Variants in ZFR2 observed in about 807,000 individuals in gnomAD.
ZFR2 encodes zinc finger RNA binding protein 2.
A neutral mutation model predicts 105.7 loss-of-function variants in ZFR2; 104 were observed. The observed-to-expected ratio is 0.98, with a 90% CI of 0.84 to 1.16. ZFR2 has a LOEUF of 1.16. Ranked by LOEUF, ZFR2 falls within the 50% of genes most tolerant of loss-of-function variation. The pLI is 0.00. For synonymous variants in ZFR2, 634 were observed against 597.7 expected (o/e 1.06, Z -0.89); for missense variants, 1,425 against 1,355.5 (o/e 1.05, Z -0.80).
At chr19:3,832,022 C>T (rs2038022592) in intron 3 of ZFR2, 144 bp from the exon 4 acceptor site, 1 of 598,708 alleles carries the variant, frequency 1.7e-6, no homozygotes, top group Non-Finnish European at 2.6e-6. Flanking sequence ...CAGGTGCTGG[C>T]AGCGACTCGC....
intron 1 of ZFR2, among the ~76,000 whole-genome samples, chr19:3,835,616 AG>A (rs2038071106): frequency 6.7e-6 from 1 of 150,026 alleles, no homozygotes; most frequent in Non-Finnish European, 1.5e-5. Flanking sequence ...TACAGGTGTG[AG>A]CCACCACGCC....
In ZFR2 at chr19:3,834,542, G is replaced by A. The variant is rs898250473; in HGVS notation, c.264+231C>T. ...GCGCCGTCACTGTCCCCACTGCCCC[G>A]ACGTGGAGGTACGCATGCGGCCTGT... On this transcript the variant is annotated intron_variant, in intron 2 of 18. Coordinates refer to ENST00000262961, the MANE Select transcript of ZFR2 (RefSeq NM_015174.2). The surrounding 1 kb of genome is among the most constrained non-coding windows in gnomAD (Gnocchi z 5.3). Among the ~76,000 whole-genome samples the A allele has an allele frequency of 3.3e-5, 5 of 152,158 alleles. No individual in the cohort carries two copies. The highest frequency in any genetic ancestry group is 5.9e-5 in the Non-Finnish European group (4 of 68,018).
chr19:3,808,215 CCGTGCGAGTG>C (rs1160695774), intron 17 of ZFR2, among the ~76,000 whole-genome samples: 20 of 141,356 alleles, frequency 1.4e-4, no homozygotes, highest in African/African-American at 5.3e-4. Context: ...GCGTGTGTGC[CCGTGCGAGTG>C]CGTGCGTGTG....
chr19:3,825,492 G>A (rs753179639), intron 6 of ZFR2, 85 bp from the exon 7 acceptor site: 761 of 1,486,226 alleles, frequency 5.1e-4, no homozygotes, highest in Admixed American at 1.1e-3. Flanking sequence ...GCCTCCACGG[G>A]CGTGCAGCGC....
chr19:3,825,419 A>G lies in ZFR2; in HGVS notation c.1036-12T>C, dbSNP rs1397953481. ...TGCAGCTTGAAGACCTGCAACAGAC[A>G]GAGCCGGGCTCCCGCGTGAGGGCCG... On this transcript the variant is annotated splice_polypyrimidine_tract_variant and intron_variant, in intron 6 of 18. Transcript: ENST00000262961. 1.3e-6 allele frequency: 2 copies of G among 1,561,198 alleles called. No individual in the cohort carries two copies. The highest frequency in any genetic ancestry group is 1.7e-6 in the Non-Finnish European group (2 of 1,156,680).
In ZFR2 at chr19:3,807,279, G is replaced by A. The variant is rs148313694; in HGVS notation, c.2546-10C>T. The A allele has an allele frequency of 2.8e-4, 431 of 1,547,616 alleles. No homozygotes were observed. The East Asian group carries it at 8.2e-3, about 29-fold the overall frequency. On this transcript the variant is annotated splice_polypyrimidine_tract_variant and intron_variant, in intron 17 of 18. Transcript: ENST00000262961. ...TGGAGCCCGGGCCCGTCTTTGTGAC[G>A]GGGAGTGGGAACAGCAAAGAAGGCG...
rs539266130 is a variant in ZFR2 at position 3,827,675 on chromosome 19, A to C, written c.853-22T>G. 12 of 1,564,998 alleles carry C rather than the reference A, an allele frequency of 7.7e-6. No individual in the cohort carries two copies. The East Asian group carries it at 1.9e-4, about 25-fold the overall frequency. On this transcript the variant is annotated intron_variant, in intron 5 of 18. Transcript: ENST00000262961. ...AGGTCTGCGGCAAGGGGTGAGAGGC[A>C]GCCTGGGCGGGGGTTTGCACACTGG...
At chr19:3,830,679 C>T (rs1224881309) in intron 5 of ZFR2, among the ~76,000 whole-genome samples, 1 of 152,128 alleles carries the variant, frequency 6.6e-6, no homozygotes, top group Non-Finnish European at 1.5e-5. Flanking sequence ...CGTGTCTCTC[C>T]GCGGTCCAGA....
In ZFR2 at chr19:3,869,023, C is replaced by A; in HGVS notation, c.-6G>T. 7.3e-7 allele frequency: 1 copy of A among 1,361,558 alleles called. No homozygotes were observed. Among genetic ancestry groups the A allele is most frequent in the Non-Finnish European group, 9.6e-7 (1 of 1,046,742 alleles). 84.3% of individuals were successfully genotyped at this position (1,361,558 alleles called of 1,614,324 possible). On this transcript the variant is annotated 5_prime_UTR_variant, in exon 1 of 19. Transcript: ENST00000262961. Reference sequence around the variant, plus strand: ...AAATACTGACTCGTCGCCATCTTGGCGTCTTCCCCGAGCCTGGCGGACCCG... The same window carrying A: ...AAATACTGACTCGTCGCCATCTTGGAGTCTTCCCCGAGCCTGGCGGACCCG...
chr19:3,850,601 G>T (rs2038227774), intron 1 of ZFR2, among the ~76,000 whole-genome samples: 2 of 151,948 alleles, frequency 1.3e-5, no homozygotes, highest in African/African-American at 2.4e-5. Context: ...AAAGGAAGAG[G>T]CCGGGCACAG....
At position 3,868,847 on chromosome 19, in the gene ZFR2, A is replaced by G. The variant is rs868327114; in HGVS notation, c.53+118T>C. ...GCGGCTTCCCTCAGGCCGGGGTTCCAGGTTGGGGCTGGGACTGGGGCCGGG... is the reference window on the plus strand; with the variant it reads ...GCGGCTTCCCTCAGGCCGGGGTTCCGGGTTGGGGCTGGGACTGGGGCCGGG... On this transcript the variant is annotated intron_variant, in intron 1 of 18. Coordinates refer to ENST00000262961, the MANE Select transcript of ZFR2 (RefSeq NM_015174.2). 153 of 869,420 alleles carry G rather than the reference A, an allele frequency of 1.8e-4. No individual in the cohort carries two copies. The African/African-American group carries it at 2.5e-3, about 14-fold the overall frequency. The allele number at this position is 869,420 out of a possible 1,614,324, so 53.9% of individuals were successfully genotyped here.
chr19:3,857,320 G>A (rs1057462099), intron 1 of ZFR2, among the ~76,000 whole-genome samples: 2 of 151,954 alleles, frequency 1.3e-5, no homozygotes, highest in Non-Finnish European at 2.9e-5. Flanking sequence ...CTGCACAGGC[G>A]TGAGAACCAA....
At chr19:3,814,004 A>G (rs770536776) in intron 13 of ZFR2, 46 bp from the exon 14 acceptor site, 391 of 1,608,290 alleles carry the variant, frequency 2.4e-4, no homozygotes, top group Non-Finnish European at 3.2e-4. Flanking sequence ...TGCAGCCCAG[A>G]TTCATGTGTA....
chr19:3,865,520 G>A (rs750566430), intron 1 of ZFR2, among the ~76,000 whole-genome samples: 34 of 151,788 alleles, frequency 2.2e-4, no homozygotes, highest in Admixed American at 3.3e-4. Context: ...CTAGCTAATT[G>A]TTAATTTTTT....
At chr19:3,864,964 G>A (rs1269450901) in intron 1 of ZFR2, among the ~76,000 whole-genome samples, 1 of 149,906 alleles carries the variant, frequency 6.7e-6, no homozygotes, top group Non-Finnish European at 1.5e-5. Context: ...GGCCAGGCTG[G>A]TCTCGAACTC....
At chr19:3,848,389 G>A (rs1230177924) in intron 1 of ZFR2, among the ~76,000 whole-genome samples, 2 of 151,898 alleles carry the variant, frequency 1.3e-5, no homozygotes, top group Non-Finnish European at 2.9e-5. Flanking sequence ...TCCAGGCTGG[G>A]CAATAAGAGC....
chr19:3,862,909 A>T (rs2038389042), intron 1 of ZFR2, among the ~76,000 whole-genome samples: 1 of 152,230 alleles, frequency 6.6e-6, no homozygotes, highest in Non-Finnish European at 1.5e-5. Context: ...GAATGGGTGC[A>T]GCAGAGGCAC....
intron 1 of ZFR2, among the ~76,000 whole-genome samples, chr19:3,866,154 T>A (rs1255819189): frequency 2.0e-5 from 3 of 152,172 alleles, no homozygotes; most frequent in Non-Finnish European, 4.4e-5. Context: ...ACATACGTAC[T>A]TTAAAAGCAG....
chr19:3,820,422 C>T lies in ZFR2; in HGVS notation c.1632-132G>A, dbSNP rs2037877707. The T allele has an allele frequency of 7.1e-6, 6 of 850,558 alleles. No individual in the cohort carries two copies. In the South Asian group the frequency reaches 1.1e-4, roughly 15 times the overall value. 52.7% of individuals were successfully genotyped at this position (850,558 alleles called of 1,614,324 possible). A position where few individuals can be genotyped will look rare whatever the true frequency, so the allele number is the denominator to read the frequency against. On this transcript the variant is annotated intron_variant, in intron 10 of 18. Coordinates refer to ENST00000262961, the MANE Select transcript of ZFR2 (RefSeq NM_015174.2). ...CAAAGCTCTTGCTGGGGCTCCACTGCACTGCATGGGTGCCTGCTGTATGCA... is the reference window on the plus strand; with the variant it reads ...CAAAGCTCTTGCTGGGGCTCCACTGTACTGCATGGGTGCCTGCTGTATGCA...
Sources: allele counts gnomAD v4.1 joint callset (sites outside exome capture counted in the v4.1 genomes callset), GRCh38; gene constraint gnomAD v4.1.1; non-coding constraint Gnocchi (gnomAD v3.1); transcripts MANE v1.5; gene names NCBI Gene and HGNC (gene_info 2026-07-23, HGNC 2026-07-21).